Variants in OR2M2 observed in about 807,000 individuals in gnomAD.
OR2M2 encodes the protein olfactory receptor 2M2.
For synonymous variants in OR2M2, 168 were observed against 151.7 expected (o/e 1.11, Z -0.79); for missense variants, 467 against 429.9 (o/e 1.09, Z -0.76).
At position 248,180,779 on chromosome 1, in the gene OR2M2, A is replaced by T. The variant is rs1665924124; in HGVS notation, c.794A>T (p.Asp265Val). The T allele has an allele frequency of 3.1e-6, 5 of 1,613,792 alleles. No homozygotes were observed. Among genetic ancestry groups the T allele is most frequent in the Non-Finnish European group, 4.2e-6 (5 of 1,179,836 alleles). ...ALFMYIRPTSDHSPTQDKMVS... is the reference protein window; with the variant it reads ...ALFMYIRPTSVHSPTQDKMVS... ...TTCATGTACATACGGCCCACATCTG[A>T]TCACTCCCCAACGCAGGACAAGATG... The change falls in exon 2 of 2, where the codon GAT becomes GTT. Residue 265 changes from aspartate to valine, a missense_variant. Coordinates refer to ENST00000641836, the MANE Select transcript of OR2M2 (RefSeq NM_001004688.2).
At position 248,180,397 on chromosome 1, in the gene OR2M2, C is replaced by G; in HGVS notation, c.412C>G (p.Pro138Ala). The G allele has an allele frequency of 6.2e-7, 1 of 1,614,010 alleles. No homozygotes were observed. The highest frequency in any genetic ancestry group is 8.5e-7 in the Non-Finnish European group (1 of 1,180,000). ...HPLRYTNLMN[P>A]KICGLMATFS... ...TCTAAGATATACCAATCTCATGAAT[C>G]CTAAAATTTGTGGACTTATGGCTAC... The change falls in exon 2 of 2, where the codon CCT (proline) becomes GCT (alanine). Residue 138 changes from proline (P) to alanine (A), a missense_variant. Physicochemically the swap from Pro to Ala is conservative, Grantham distance 27 (BLOSUM62 -1). Transcript: ENST00000641836.
At position 248,180,944 on chromosome 1, in the gene OR2M2, T is replaced by C. The variant is rs750250308; in HGVS notation, c.959T>C (p.Val320Ala). 3 of 1,614,076 alleles carry C rather than the reference T, an allele frequency of 1.9e-6. No homozygotes were observed. The South Asian group carries it at 3.3e-5, about 18-fold the overall frequency. Reference sequence around the variant, plus strand: ...AGTGAGTTACCTCATAAACTTTATGTTTTGCTGTTTGCTAAATTCTTCTTT... The same window carrying C: ...AGTGAGTTACCTCATAAACTTTATGCTTTGCTGTTTGCTAAATTCTTCTTT... ...SESELPHKLY[V>A]LLFAKFFFLI... The change falls in exon 2 of 2, where the codon GTT becomes GCT. Residue 320 changes from valine to alanine, a missense_variant. Physicochemically the swap from Val to Ala is moderately conservative, Grantham distance 64. Transcript: ENST00000641836.
At chr1:248,176,581 G>T (rs889603225) in intron 1 of OR2M2, among the ~76,000 whole-genome samples, 2 of 151,938 alleles carry the variant, frequency 1.3e-5, no homozygotes, top group Non-Finnish European at 1.5e-5. Context: ...TAAAAAACAA[G>T]ATGTCATAAT....
In OR2M2 at chr1:248,180,645, A is replaced by G; in HGVS notation, c.660A>G (p.Arg220=). The part of the protein sequence containing the change: ...PVAIIIASYA[R]VILAVIHMGS... ...CAATCATCATTGCTTCCTATGCTCG[A>G]GTTATTCTGGCTGTCATTCACATGG... The change falls in exon 2 of 2, where the codon CGA becomes CGG. Residue 220 remains arginine (R), a synonymous_variant. Transcript: ENST00000641836. 2.5e-6 allele frequency: 4 copies of G among 1,612,202 alleles called. No homozygotes were observed. The highest frequency in any genetic ancestry group is 3.4e-6 in the Non-Finnish European group (4 of 1,179,802).
Position 248,180,557 on chromosome 1 carries a change from A to T in OR2M2, c.572A>T (p.Asp191Val). The change falls in exon 2 of 2, where the codon GAC becomes GTC. Residue 191 changes from aspartate (D) to valine (V), a missense_variant. Asp to Val is a radical substitution (Grantham distance 152, BLOSUM62 -3). Coordinates refer to ENST00000641836, the MANE Select transcript of OR2M2 (RefSeq NM_001004688.2). Reference sequence around the variant, plus strand: ...TCCCTACTAATCCTCTCATGCAATGACACATCAATATTTGAAGAGGTTATT... The same window carrying T: ...TCCCTACTAATCCTCTCATGCAATGTCACATCAATATTTGAAGAGGTTATT... ...FPSLLILSCNDTSIFEEVIFI... is the reference protein window; with the variant it reads ...FPSLLILSCNVTSIFEEVIFI... 6.2e-7 allele frequency: 1 copy of T among 1,613,862 alleles called. No individual in the cohort carries two copies. The highest frequency in any genetic ancestry group is 8.5e-7 in the Non-Finnish European group (1 of 1,179,842).
At chr1:248,177,771 T>C (rs1324998859) in intron 1 of OR2M2, 1 of 152,100 alleles carries the variant, frequency 6.6e-6, no homozygotes, top group Non-Finnish European at 1.5e-5. Context: ...CCATTACTGC[T>C]TATCAAGATG....
In OR2M2 at chr1:248,180,526, T is replaced by C. The variant is rs778361849; in HGVS notation, c.541T>C (p.Phe181Leu). The C allele has an allele frequency of 6.2e-7, 1 of 1,613,934 alleles. No homozygotes were observed. The highest frequency in any genetic ancestry group is 8.5e-7 in the Non-Finnish European group (1 of 1,179,836). ...SREIAHFFCE[F>L]PSLLILSCND... ...GGAAATAGCCCACTTCTTCTGTGAA[T>C]TCCCTTCCCTACTAATCCTCTCATG... Residue 181 changes from phenylalanine (F) to leucine (L), a missense_variant, in exon 2 of 2, where the codon TTC becomes CTC. Transcript: ENST00000641836.
At chr1:248,179,039 A>T (rs1487633627) in intron 1 of OR2M2, among the ~76,000 whole-genome samples, 2 of 152,236 alleles carry the variant, frequency 1.3e-5, no homozygotes, top group Non-Finnish European at 2.9e-5. Flanking sequence ...TGAAATCAAG[A>T]TGTCAGCAGT....
At chr1:248,178,792 G>A (rs1170683608) in intron 1 of OR2M2, among the ~76,000 whole-genome samples, 1 of 152,112 alleles carries the variant, frequency 6.6e-6, no homozygotes, top group Non-Finnish European at 1.5e-5. Context: ...TATGAACAGG[G>A]GCTTTCTTTG....
intron 1 of OR2M2, 27 bp downstream of exon 1, chr1:248,174,898 T>A (rs2103005412): frequency 6.6e-6 from 1 of 152,256 alleles, no homozygotes; most frequent in African/African-American, 2.4e-5. Flanking sequence ...CAAGCAAGAC[T>A]GTGTGGAAGC....
At chr1:248,174,961 C>T (rs1402228578) in intron 1 of OR2M2, 90 bp downstream of exon 1, 1 of 152,160 alleles carries the variant, frequency 6.6e-6, no homozygotes, top group East Asian at 1.9e-4. Context: ...TTTCTTAAGT[C>T]ATTTTTTGTG....
chr1:248,180,802 A>C lies in OR2M2; in HGVS notation c.817A>C (p.Met273Leu), dbSNP rs142714055. ...TGATCACTCCCCAACGCAGGACAAG[A>C]TGGTGTCTGTATTCTACACCATCCT... is the stretch of plus-strand genomic sequence containing the variant. ...TSDHSPTQDK[M>L]VSVFYTILTP... Residue 273 changes from methionine (M) to leucine (L), a missense_variant, in exon 2 of 2, where the codon ATG (methionine) becomes CTG (leucine). Met to Leu is a conservative substitution (Grantham distance 15). Coordinates refer to ENST00000641836, the MANE Select transcript of OR2M2 (RefSeq NM_001004688.2). The C allele has an allele frequency of 2.5e-4, 410 of 1,613,896 alleles. 1 individual carries two copies. The highest frequency in any genetic ancestry group is 1.4e-3 in the African/African-American group (105 of 74,992).
In OR2M2 at chr1:248,180,838, C is replaced by T. The variant is rs144563542; in HGVS notation, c.853C>T (p.Leu285=). ...ATTCTACACCATCCTCACTCCCATG[C>T]TGAATCCCCTCATCTACAGCCTCCG... The part of the protein sequence containing the change: ...SVFYTILTPM[L]NPLIYSLRNK... Residue 285 remains leucine (L), a synonymous_variant, in exon 2 of 2, where the codon CTG becomes TTG. Coordinates refer to ENST00000641836, the MANE Select transcript of OR2M2 (RefSeq NM_001004688.2). The T allele has an allele frequency of 3.0e-5, 48 of 1,613,956 alleles. No individual in the cohort carries two copies. Among genetic ancestry groups the T allele is most frequent in the African/African-American group, 1.6e-4 (12 of 74,906 alleles).
chr1:248,179,943 T>C (rs771936111), intron 1 of OR2M2, 25 bp from the exon 2 acceptor site: 1 of 1,560,206 alleles, frequency 6.4e-7, no homozygotes, highest in East Asian at 2.2e-5. Flanking sequence ...TTTACCAAAT[T>C]AATAAGATGG....
At chr1:248,177,724 G>A (rs1250964477) in intron 1 of OR2M2, among the ~76,000 whole-genome samples, 3 of 151,988 alleles carry the variant, frequency 2.0e-5, no homozygotes, top group Admixed American at 6.6e-5. Flanking sequence ...GGAAACTTAG[G>A]GTAGGAAACC....
rs148329031 is a variant in OR2M2, at chr1:248,179,408, T to C, written c.-18-560T>C. ...AAAGGGCCTAGGTTTTAGATATGCA[T>C]AATTGAAAATCTTTCCAGTGTATCC... On this transcript the variant is annotated intron_variant, in intron 1 of 1. Transcript: ENST00000641836. Among the ~76,000 whole-genome samples, 224 of 152,348 alleles carry C rather than the reference T, an allele frequency of 1.5e-3. 4 individuals carry two copies. Among genetic ancestry groups the C allele is most frequent in the South Asian group, 4.4e-3 (21 of 4,826 alleles).
intron 1 of OR2M2, among the ~76,000 whole-genome samples, chr1:248,179,698 C>T (rs900329970): frequency 2.1e-4 from 32 of 152,112 alleles, no homozygotes; most frequent in Non-Finnish European, 1.5e-5. Flanking sequence ...TTGGAAAACT[C>T]CGTCAATCAT....
intron 1 of OR2M2, among the ~76,000 whole-genome samples, chr1:248,176,177 C>T (rs1176382514): frequency 6.6e-6 from 1 of 151,988 alleles, no homozygotes; most frequent in African/African-American, 2.4e-5. Context: ...ATTTTTTCAT[C>T]AAATTTTGTT....
At chr1:248,177,883 T>A (rs1416791713) in intron 1 of OR2M2, 1 of 152,138 alleles carries the variant, frequency 6.6e-6, no homozygotes, top group East Asian at 1.9e-4. Context: ...TCTCTCTTCA[T>A]GCTGATTGAC....
Sources: gnomAD v4.1 joint callset for allele counts (sites outside exome capture counted in the v4.1 genomes callset) on GRCh38, gnomAD v4.1.1 for gene constraint, MANE v1.5 for transcripts, NCBI Gene and HGNC (gene_info 2026-07-23, HGNC 2026-07-21) for gene names.